KLHL20: variants seen among roughly 807,000 people sequenced by gnomAD.
KLHL20 encodes the protein kelch like family member 20.
A neutral mutation model predicts 69.5 loss-of-function variants in KLHL20; 29 were observed. The observed-to-expected ratio is 0.42, with a 90% CI of 0.31 to 0.57. The LOEUF (loss-of-function observed/expected upper bound fraction) is 0.57. Ranked by LOEUF, KLHL20 falls within the 20% of genes least tolerant of loss-of-function variation. The pLI, the probability that KLHL20 is intolerant of heterozygous loss-of-function variation, is 0.18. For synonymous variants in KLHL20, 253 were observed against 265.2 expected, an observed-to-expected ratio of 0.95 and a Z score of 0.45; for missense variants, 419 against 776.0, an observed-to-expected ratio of 0.54 and a Z score of 5.47.
rs554639474 is a variant in KLHL20, at chr1:173,751,732, A to AT, written c.598-23dup. 1.0e-3 allele frequency: 1,662 copies of AT among 1,591,296 alleles called. 12 individuals are homozygous for AT. In the African/African-American group the frequency reaches 0.012, roughly 11 times the overall value. The stretch of plus-strand genomic sequence containing the variant: ...CTGAGACAATAAATGTGATCACAGG[A>AT]TTTTTTTTTCTTCTTACCTAACTTT... On this transcript the variant is annotated intron_variant, in intron 3 of 11. Coordinates refer to ENST00000209884, the MANE Select transcript of KLHL20 (RefSeq NM_014458.4).
chr1:173,760,960 A>T (rs1647256092), intron 7 of KLHL20, among the ~76,000 whole-genome samples: 1 of 152,210 alleles, frequency 6.6e-6, no homozygotes, highest in Admixed American at 6.5e-5. Context: ...CAGAATGGAT[A>T]AGAACTCACC....
In KLHL20 at chr1:173,780,631, T is replaced by C. The variant is rs556734910; in HGVS notation, c.1639-1493T>C. On this transcript the variant is annotated intron_variant, in intron 10 of 11. Coordinates refer to ENST00000209884, the MANE Select transcript of KLHL20 (RefSeq NM_014458.4). The stretch of plus-strand genomic sequence containing the variant: ...ATCTATACAAAAAATTTAAAAATTA[T>C]CCAGATGTAGTGGTGCATCCCTGTA... Among the ~76,000 whole-genome samples, 18 of 152,214 alleles carry C rather than the reference T, an allele frequency of 1.2e-4. No individual in the cohort carries two copies. The East Asian group carries it at 3.5e-3, about 29-fold the overall frequency.
intron 5 of KLHL20, 34 bp from the exon 6 acceptor site, chr1:173,755,889 G>T: frequency 7.3e-7 from 1 of 1,366,730 alleles, no homozygotes; most frequent in Non-Finnish European, 1.0e-6. Context: ...ATGTAATTTA[G>T]ATATTTGGAA....
At chr1:173,731,308 G>C (rs1410411305) in intron 2 of KLHL20, among the ~76,000 whole-genome samples, 2 of 152,174 alleles carry the variant, frequency 1.3e-5, no homozygotes, top group East Asian at 3.9e-4. Flanking sequence ...AGTCAGTGTG[G>C]CAATTCCTCA....
At chr1:173,780,088 G>C (rs951067837) in intron 10 of KLHL20, among the ~76,000 whole-genome samples, 6 of 152,162 alleles carry the variant, frequency 3.9e-5, no homozygotes, top group African/African-American at 1.4e-4. Flanking sequence ...GGATAAAAGA[G>C]AGTGAATTCT....
chr1:173,723,897 C>G (rs970319544), intron 2 of KLHL20, among the ~76,000 whole-genome samples: 2 of 152,126 alleles, frequency 1.3e-5, no homozygotes. Context: ...ACAACAACAA[C>G]CTTTGTAGTA....
At chr1:173,775,521 C>A in intron 9 of KLHL20, 113 bp from the exon 10 acceptor site, 1 of 855,640 alleles carries the variant, frequency 1.2e-6, no homozygotes, top group Non-Finnish European at 1.9e-6. Flanking sequence ...AAGCAAAAAT[C>A]AGATCATGTG....
At chr1:173,756,722 A>G (rs1257564189) in intron 6 of KLHL20, among the ~76,000 whole-genome samples, 3 of 152,208 alleles carry the variant, frequency 2.0e-5, no homozygotes, top group African/African-American at 7.2e-5. Flanking sequence ...ATATATACAT[A>G]TTATCTCATA....
At chr1:173,778,800 A>G (rs1304454862) in intron 10 of KLHL20, among the ~76,000 whole-genome samples, 1 of 152,114 alleles carries the variant, frequency 6.6e-6, no homozygotes, top group African/African-American at 2.4e-5. Context: ...TGTCTACGGT[A>G]TCAGTTGTAA....
At chr1:173,718,565 A>T (rs1441466902) in intron 2 of KLHL20, among the ~76,000 whole-genome samples, 1 of 150,930 alleles carries the variant, frequency 6.6e-6, no homozygotes, top group Non-Finnish European at 1.5e-5. Context: ...AAAAAAAGAC[A>T]CAAATGTTGT....
chr1:173,719,396 A>G (rs1436775445), intron 2 of KLHL20, among the ~76,000 whole-genome samples: 2 of 152,052 alleles, frequency 1.3e-5, no homozygotes, highest in Non-Finnish European at 2.9e-5. Context: ...GCAGATCACA[A>G]GGTCAAGAGA....
intron 3 of KLHL20, among the ~76,000 whole-genome samples, chr1:173,750,578 C>T (rs1203676748): frequency 1.3e-5 from 2 of 151,682 alleles, no homozygotes; most frequent in Non-Finnish European, 2.9e-5. Flanking sequence ...CTCTGTCTCC[C>T]GCGTTCAAGT....
chr1:173,762,757 C>G (rs1459233911), intron 7 of KLHL20, among the ~76,000 whole-genome samples: 1 of 152,038 alleles, frequency 6.6e-6, no homozygotes, highest in African/African-American at 2.4e-5. Context: ...TATAACAAAC[C>G]CACAGCCAAC....
intron 7 of KLHL20, among the ~76,000 whole-genome samples, chr1:173,763,632 G>A (rs1647464815): frequency 6.6e-6 from 1 of 151,976 alleles, no homozygotes; most frequent in South Asian, 2.1e-4. Context: ...AACATAAAGG[G>A]GGGCAAGAAC....
intron 2 of KLHL20, among the ~76,000 whole-genome samples, chr1:173,726,002 G>T (rs1671940225): frequency 6.6e-6 from 1 of 152,162 alleles, no homozygotes; most frequent in South Asian, 2.1e-4. Flanking sequence ...CCTAGCCAAG[G>T]AAAGAGGTGA....
At position 173,741,904 on chromosome 1, in the gene KLHL20, T is replaced by C. The variant is rs151323252; in HGVS notation, c.597+7618T>C. On this transcript the variant is annotated intron_variant, in intron 3 of 11. Coordinates refer to ENST00000209884, the MANE Select transcript of KLHL20 (RefSeq NM_014458.4). The stretch of plus-strand genomic sequence containing the variant: ...GGAAAAGCAAGGCTTACAAGAAGGA[T>C]GTTCCTTCAGATGAAAGCAGCACTA... The C allele has an allele frequency of 4.9e-5, 69 of 1,415,708 alleles. No individual in the cohort carries two copies. In the African/African-American group the frequency reaches 8.3e-4, roughly 17 times the overall value. 87.7% of individuals were successfully genotyped at this position (1,415,708 alleles called of 1,614,324 possible).
intron 3 of KLHL20, among the ~76,000 whole-genome samples, chr1:173,739,353 C>T (rs1156738870): frequency 6.6e-6 from 1 of 152,030 alleles, no homozygotes; most frequent in African/African-American, 2.4e-5. Context: ...ATTACAGGCA[C>T]GAGCCATCAC....
chr1:173,774,190 A>C, intron 8 of KLHL20, 115 bp from the exon 9 acceptor site: 1 of 1,197,212 alleles, frequency 8.4e-7, no homozygotes, highest in South Asian at 1.5e-5. Context: ...TTTTCATTGC[A>C]CATTTGACTA....
At chr1:173,746,989 T>A (rs899610966) in intron 3 of KLHL20, among the ~76,000 whole-genome samples, 2 of 152,100 alleles carry the variant, frequency 1.3e-5, no homozygotes, top group African/African-American at 2.4e-5. Flanking sequence ...TAGTTTTTTT[T>A]AATTTCTAGA....
Sources: allele counts gnomAD v4.1 joint callset (sites outside exome capture counted in the v4.1 genomes callset), GRCh38; gene constraint gnomAD v4.1.1; transcripts MANE v1.5; gene names NCBI Gene and HGNC (gene_info 2026-07-23, HGNC 2026-07-21).